Variants in CDH12 observed in about 807,000 individuals in gnomAD.
CDH12 encodes cadherin-12.
In CDH12, 41 loss-of-function variants were observed where a neutral mutation model predicts 74.1. That is an observed-to-expected ratio of 0.55 (90% CI 0.43 to 0.72). The LOEUF is 0.72. CDH12 is among the 30% of genes least tolerant of loss of function. The pLI is 0.00. For synonymous variants in CDH12, 399 were observed against 355.0 expected (o/e 1.12, Z -1.39); for missense variants, 945 against 977.2 (o/e 0.97, Z 0.44).
chr5:22,641,385 C>G (rs940509918), intron 1 of CDH12, among the ~76,000 whole-genome samples: 1 of 152,094 alleles, frequency 6.6e-6, no homozygotes, highest in Admixed American at 6.5e-5. Flanking sequence ...GAGGAAATCA[C>G]ATTTTCTCTG....
At chr5:22,055,962 T>C (rs1313787250) in intron 5 of CDH12, among the ~76,000 whole-genome samples, 1 of 152,116 alleles carries the variant, frequency 6.6e-6, no homozygotes, top group East Asian at 1.9e-4. Context: ...TACTTTTCAA[T>C]TTGAATTTAA....
chr5:21,785,129 T>C (rs1302443004), intron 10 of CDH12, among the ~76,000 whole-genome samples: 1 of 152,198 alleles, frequency 6.6e-6, no homozygotes, highest in Non-Finnish European at 1.5e-5. Context: ...CAGTGATACT[T>C]GATGTTACTA....
intron 3 of CDH12, among the ~76,000 whole-genome samples, chr5:22,251,543 C>G (rs1377332052): frequency 6.6e-6 from 1 of 152,162 alleles, no homozygotes; most frequent in Admixed American, 6.6e-5. Context: ...CTTAACTTCT[C>G]TGTGCCTCAC....
intron 1 of CDH12, among the ~76,000 whole-genome samples, chr5:22,791,828 C>A (rs1023121595): frequency 3.9e-5 from 6 of 152,100 alleles, no homozygotes; most frequent in African/African-American, 1.2e-4. Context: ...ACAAGAATAG[C>A]AAGGGGGAAA....
chr5:22,239,051 G>A (rs544250764), intron 3 of CDH12, among the ~76,000 whole-genome samples: 2 of 152,198 alleles, frequency 1.3e-5, no homozygotes, highest in Non-Finnish European at 2.9e-5. Context: ...TAATAAATAT[G>A]ATGGTTTTGT....
intron 1 of CDH12, among the ~76,000 whole-genome samples, chr5:22,634,291 T>C (rs983405798): frequency 9.9e-5 from 15 of 152,052 alleles, no homozygotes; most frequent in Admixed American, 9.8e-4. Context: ...GAGGCAGAAA[T>C]TAACAGATTT....
chr5:22,272,069 G>T (rs1356174725), intron 3 of CDH12, among the ~76,000 whole-genome samples: 2 of 152,156 alleles, frequency 1.3e-5, no homozygotes, highest in Non-Finnish European at 2.9e-5. Context: ...AGTTGTAGAT[G>T]GGATCTTCCT....
At chr5:22,351,235 A>T (rs972341953) in intron 3 of CDH12, among the ~76,000 whole-genome samples, 2 of 152,196 alleles carry the variant, frequency 1.3e-5, no homozygotes, top group African/African-American at 4.8e-5. Context: ...GAAATAAATA[A>T]GGGCAGGTTT....
intron 1 of CDH12, among the ~76,000 whole-genome samples, chr5:22,698,770 G>T (rs1405095745): frequency 7.8e-6 from 1 of 128,740 alleles, no homozygotes; most frequent in African/African-American, 2.9e-5. Context: ...GTGTGTGTGT[G>T]AAAGAGAAAG....
chr5:21,933,404 T>C (rs1754933304), intron 6 of CDH12, among the ~76,000 whole-genome samples: 1 of 152,202 alleles, frequency 6.6e-6, no homozygotes, highest in South Asian at 2.1e-4. Flanking sequence ...GCATCCATGA[T>C]ATTTTTTAGT....
chr5:22,696,881 T>G (rs1380113913), intron 1 of CDH12, among the ~76,000 whole-genome samples: 1 of 151,978 alleles, frequency 6.6e-6, no homozygotes, highest in Non-Finnish European at 1.5e-5. Flanking sequence ...TTGAAACAAT[T>G]AAGCTAGCAG....
chr5:22,593,492 T>C (rs1023092057), intron 1 of CDH12, among the ~76,000 whole-genome samples: 8 of 152,232 alleles, frequency 5.3e-5, no homozygotes, highest in African/African-American at 1.9e-4. Context: ...AATTTTCTTA[T>C]CCTTCCAATT....
At chr5:22,582,993 A>G (rs995287360) in intron 1 of CDH12, among the ~76,000 whole-genome samples, 3 of 152,116 alleles carry the variant, frequency 2.0e-5, no homozygotes, top group Non-Finnish European at 4.4e-5. Flanking sequence ...ATAGAAGAGT[A>G]ACAACTGGGC....
intron 3 of CDH12, among the ~76,000 whole-genome samples, chr5:22,389,059 A>G (rs1290167032): frequency 1.3e-5 from 2 of 152,196 alleles, no homozygotes; most frequent in Non-Finnish European, 2.9e-5. Context: ...CTAAGCCAAT[A>G]CCTATAAAGA....
chr5:22,509,034 TTACTC>T (rs1214657303), intron 1 of CDH12, among the ~76,000 whole-genome samples: 4 of 152,220 alleles, frequency 2.6e-5, no homozygotes, highest in East Asian at 3.9e-4. Context: ...GAGAAAAAAA[TTACTC>T]TAATAAAACA....
At chr5:21,913,607 T>C (rs1423166337) in intron 6 of CDH12, among the ~76,000 whole-genome samples, 2 of 152,126 alleles carry the variant, frequency 1.3e-5, no homozygotes, top group Non-Finnish European at 2.9e-5. Flanking sequence ...ATCACACATA[T>C]ATAAAATATT....
intron 1 of CDH12, among the ~76,000 whole-genome samples, chr5:22,765,078 A>C (rs1030388352): frequency 6.6e-6 from 1 of 151,960 alleles, no homozygotes; most frequent in Admixed American, 6.6e-5. Flanking sequence ...CAAAACTTGA[A>C]TGAAAGAATA....
intron 8 of CDH12, among the ~76,000 whole-genome samples, chr5:21,832,792 TAA>T (rs1491490766): frequency 2.9e-5 from 3 of 102,082 alleles, no homozygotes; most frequent in South Asian, 2.7e-4. Flanking sequence ...ATATATCATA[TAA>T]TATATATATT....
Position 22,654,319 on chromosome 5 carries a change from C to T in CDH12, c.-522-148955G>A, listed in dbSNP as rs192140620. ...TCTTCTTTCCTTTTTGACAGAGTCT[C>T]GCTCTTGTCACCCAGGCTGGAGTGC... On this transcript the variant is annotated intron_variant, in intron 1 of 14. Transcript: ENST00000382254. Among the ~76,000 whole-genome samples the T allele has an allele frequency of 1.5e-3, 234 of 151,364 alleles. 1 individual carries two copies. The highest frequency in any genetic ancestry group is 5.2e-3 in the African/African-American group (215 of 41,200).
Sources: allele counts gnomAD v4.1 joint callset (sites outside exome capture counted in the v4.1 genomes callset), GRCh38; gene constraint gnomAD v4.1.1; transcripts MANE v1.5; gene names NCBI Gene and HGNC (gene_info 2026-07-23, HGNC 2026-07-21).